Variants in USP10 observed in about 807,000 individuals in gnomAD.
USP10 encodes the protein ubiquitin carboxyl-terminal hydrolase 10.
In USP10, 22 loss-of-function variants were observed where a neutral mutation model predicts 84.5. That is an observed-to-expected ratio of 0.26 (90% CI 0.19 to 0.37). The LOEUF is 0.37. Ranked by LOEUF, USP10 falls within the 10% of genes least tolerant of loss-of-function variation. USP10 has a pLI of 1.00. For synonymous variants in USP10, 454 were observed against 387.6 expected (o/e 1.17, Z -2.01); for missense variants, 1,019 against 998.9 (o/e 1.02, Z -0.27).
chr16:84,737,567 GCT>G (rs1269970690), intron 2 of USP10, among the ~76,000 whole-genome samples: 2 of 152,154 alleles, frequency 1.3e-5, no homozygotes, highest in Non-Finnish European at 2.9e-5. Flanking sequence ...CTGCAGGTGC[GCT>G]CTTTTATCAG....
chr16:84,777,079 T>C (rs1915099833), intron 13 of USP10, among the ~76,000 whole-genome samples: 1 of 152,234 alleles, frequency 6.6e-6, no homozygotes, highest in South Asian at 2.1e-4. Flanking sequence ...TAGAATTACC[T>C]GTAGAGTGAG....
intron 1 of USP10, among the ~76,000 whole-genome samples, chr16:84,712,435 C>T (rs1179885646): frequency 1.3e-5 from 2 of 152,226 alleles, no homozygotes; most frequent in African/African-American, 4.8e-5. Context: ...GTCCCCACTG[C>T]CTAGCACAGT....
intron 8 of USP10, among the ~76,000 whole-genome samples, chr16:84,760,833 C>T (rs771571955): frequency 2.0e-5 from 3 of 152,106 alleles, no homozygotes; most frequent in Non-Finnish European, 2.9e-5. Context: ...CCCTTAGCAC[C>T]GTTAACTGGA....
intron 1 of USP10, among the ~76,000 whole-genome samples, chr16:84,731,958 C>G (rs556009854): frequency 6.6e-6 from 1 of 152,160 alleles, no homozygotes; most frequent in African/African-American, 2.4e-5. Context: ...TTCAGAAGAT[C>G]ATTTCTGAAC....
intron 1 of USP10, among the ~76,000 whole-genome samples, chr16:84,728,037 A>C (rs1368463349): frequency 6.6e-6 from 1 of 152,190 alleles, no homozygotes; most frequent in African/African-American, 2.4e-5. Flanking sequence ...GCCTTTCAGG[A>C]TATTGACTTT....
chr16:84,742,523 C>G (rs181440976), intron 3 of USP10, among the ~76,000 whole-genome samples: 1 of 152,234 alleles, frequency 6.6e-6, no homozygotes, highest in Non-Finnish European at 1.5e-5. Context: ...ACTGCATGTA[C>G]TGCAGTGAGC....
intron 3 of USP10, among the ~76,000 whole-genome samples, chr16:84,741,724 G>T (rs1012081991): frequency 6.6e-6 from 1 of 152,066 alleles, no homozygotes; most frequent in African/African-American, 2.4e-5. Flanking sequence ...TGCACAGTTA[G>T]TGACAGGCCT....
Position 84,717,455 on chromosome 16 carries a change from C to T in USP10, c.22-15980C>T, listed in dbSNP as rs115692602. Among the ~76,000 whole-genome samples the T allele has an allele frequency of 7.4e-3, 1,129 of 152,294 alleles. 10 individuals carry two copies. Among genetic ancestry groups the T allele is most frequent in the African/African-American group, 0.025 (1,022 of 41,562 alleles). On this transcript the variant is annotated intron_variant, in intron 1 of 13. Coordinates refer to ENST00000219473, the MANE Select transcript of USP10 (RefSeq NM_005153.3). ...TTCCCTGACCCCAGTTCTTTGAAGGCAGGACACATTGCTTAAACATTTTAA... is the reference window on the plus strand; with the variant it reads ...TTCCCTGACCCCAGTTCTTTGAAGGTAGGACACATTGCTTAAACATTTTAA...
At position 84,745,150 on chromosome 16, in the gene USP10, G is replaced by C. The variant is rs1398276513; in HGVS notation, c.669G>C (p.Val223=). The change falls in exon 4 of 14, where the codon GTG becomes GTC. Residue 223 remains valine, a synonymous_variant. Transcript: ENST00000219473. Reference sequence around the variant, plus strand: ...CCACAGACTCTGTCAGTGACATTGTGCCTGACAGTCCTTTCCCCGGAGCAC... The same window carrying C: ...CCACAGACTCTGTCAGTGACATTGTCCCTGACAGTCCTTTCCCCGGAGCAC... ...QNSTDSVSDI[V]PDSPFPGALG... 2.6e-5 allele frequency: 42 copies of C among 1,613,388 alleles called. No homozygotes were observed. The highest frequency in any genetic ancestry group is 3.4e-5 in the Non-Finnish European group (40 of 1,179,710).
At chr16:84,721,711 GTTTTA>G (rs1907834578) in intron 1 of USP10, among the ~76,000 whole-genome samples, 1 of 151,732 alleles carries the variant, frequency 6.6e-6, no homozygotes, top group Non-Finnish European at 1.5e-5. Context: ...GTTTTGTTTT[GTTTTA>G]GAGATTGAGT....
chr16:84,766,649 A>T (rs969936674), intron 10 of USP10, among the ~76,000 whole-genome samples: 6 of 152,152 alleles, frequency 3.9e-5, no homozygotes, highest in African/African-American at 9.7e-5. Context: ...AAAGATCCCA[A>T]ATTTGTCTAA....
intron 1 of USP10, among the ~76,000 whole-genome samples, chr16:84,722,212 T>C (rs190062960): frequency 5.6e-4 from 85 of 152,340 alleles, no homozygotes; most frequent in African/African-American, 2.0e-3. Flanking sequence ...CTGTACTCTT[T>C]TGTTTGGTTA....
At chr16:84,720,839 C>T (rs913557294) in intron 1 of USP10, among the ~76,000 whole-genome samples, 9 of 150,434 alleles carry the variant, frequency 6.0e-5, no homozygotes, top group Non-Finnish European at 8.8e-5. Context: ...ACCTCGACGT[C>T]GCAAAGTGCT....
chr16:84,771,747 A>T (rs2150870513), intron 11 of USP10, among the ~76,000 whole-genome samples: 1 of 152,178 alleles, frequency 6.6e-6, no homozygotes, highest in East Asian at 1.9e-4. Context: ...GGGAGCCTGT[A>T]ATCCCAGCTA....
At position 84,759,455 on chromosome 16, in the gene USP10, A is replaced by T; in HGVS notation, c.1377A>T (p.Thr459=). 6.2e-7 allele frequency: 1 copy of T among 1,613,924 alleles called. No homozygotes were observed. The highest frequency in any genetic ancestry group is 8.5e-7 in the Non-Finnish European group (1 of 1,179,842). ...AAGTGCAAAGGCCTTGTACGTCAAC[A>T]CCCATGATAGACAGCTTGTAAGTAA... The part of the protein sequence containing the change: ...YSKVQRPCTS[T]PMIDSFVRLM... The change falls in exon 6 of 14, where the codon ACA becomes ACT. Residue 459 remains threonine (T), a synonymous_variant. Transcript: ENST00000219473.
In USP10 at chr16:84,759,437, A is replaced by G. The variant is rs1471784646; in HGVS notation, c.1359A>G (p.Gln453=). 2 of 1,613,832 alleles carry G rather than the reference A, an allele frequency of 1.2e-6. No individual in the cohort carries two copies. The highest frequency in any genetic ancestry group is 2.7e-5 in the African/African-American group (2 of 74,902). Residue 453 remains glutamine (Q), a synonymous_variant, in exon 6 of 14, where the codon CAA becomes CAG. Transcript: ENST00000219473. ...MKFIPLYSKV[Q]RPCTSTPMID... is the part of the protein sequence containing the mutation. ...TCATTCCTCTGTATTCCAAAGTGCA[A>G]AGGCCTTGTACGTCAACACCCATGA...
chr16:84,739,082 A>G (rs1242417793), intron 2 of USP10, among the ~76,000 whole-genome samples: 1 of 144,548 alleles, frequency 6.9e-6, no homozygotes, highest in Non-Finnish European at 1.5e-5. Context: ...TTTTTGAGAC[A>G]GAGTCTTGTG....
chr16:84,764,027 T>C, intron 9 of USP10, 59 bp from the exon 10 acceptor site: 9 of 1,358,902 alleles, frequency 6.6e-6, no homozygotes, highest in Non-Finnish European at 8.8e-6. Context: ...ATCTGTGCCT[T>C]TTTTTTTTTT....
rs758382878 is a variant in USP10 at position 84,766,636 on chromosome 16, C to G, written c.1833-1557C>G. ...TTCAAGGCCACAGAGGGTCAGCATA[C>G]TCAAAGATCCCAAATTTGTCTAAGA... On this transcript the variant is annotated intron_variant, in intron 10 of 13. Transcript: ENST00000219473. 1.3e-5 allele frequency among the ~76,000 whole-genome samples: 2 copies of G among 152,168 alleles called. 1 individual carries two copies. The highest frequency in any genetic ancestry group is 4.8e-5 in the African/African-American group (2 of 41,442).
Sources: gnomAD v4.1 joint callset for allele counts (sites outside exome capture counted in the v4.1 genomes callset) on GRCh38, gnomAD v4.1.1 for gene constraint, MANE v1.5 for transcripts, NCBI Gene and HGNC (gene_info 2026-07-23, HGNC 2026-07-21) for gene names.